The following POPDC3 variants were observed in gnomAD, a reference collection of about 807,000 sequenced individuals.
POPDC3 encodes the protein popeye domain cAMP effector 3.
A neutral mutation model predicts 28.2 loss-of-function variants in POPDC3; 20 were observed. The observed-to-expected ratio is 0.71, with a 90% CI of 0.50 to 1.03. POPDC3 has a LOEUF of 1.03. POPDC3 is among the 50% of genes least tolerant of loss of function. The pLI is 0.00. For synonymous variants in POPDC3, 118 were observed against 124.1 expected (o/e 0.95, Z 0.33); for missense variants, 316 against 345.9 (o/e 0.91, Z 0.69).
intron 1 of POPDC3, among the ~76,000 whole-genome samples, chr6:105,170,347 G>C (rs1774550923): frequency 6.6e-6 from 1 of 152,136 alleles, no homozygotes; most frequent in Non-Finnish European, 1.5e-5. Flanking sequence ...GAATCAATGG[G>C]ACACCTTTGC....
At chr6:105,165,511 GCCTTCTC>G (rs1774437110) in intron 1 of POPDC3, among the ~76,000 whole-genome samples, 1 of 152,188 alleles carries the variant, frequency 6.6e-6, no homozygotes, top group Admixed American at 6.5e-5. Context: ...CAAGCACTCT[GCCTTCTC>G]CCTTCTCACT....
Position 105,158,359 on chromosome 6 carries a change from G to A in POPDC3, c.*111C>T, listed in dbSNP as rs922320572. 3.3e-6 allele frequency: 3 copies of A among 906,598 alleles called. No individual in the cohort carries two copies. In the African/African-American group the frequency reaches 5.0e-5, roughly 15 times the overall value. 56.2% of individuals were successfully genotyped at this position (906,598 alleles called of 1,614,324 possible). A position where few individuals can be genotyped will look rare whatever the true frequency, so the allele number is the denominator to read the frequency against. On this transcript the variant is annotated 3_prime_UTR_variant, in exon 4 of 4. Coordinates refer to ENST00000254765, the MANE Select transcript of POPDC3 (RefSeq NM_022361.5). ...CAGTTGGCAATGGCATCTCGCTTCTGAATTTGATTTATAAAAACATTAGGG... is the reference window on the plus strand; with the variant it reads ...CAGTTGGCAATGGCATCTCGCTTCTAAATTTGATTTATAAAAACATTAGGG...
At chr6:105,166,625 T>C (rs773099941) in intron 1 of POPDC3, 1 of 471,186 alleles carries the variant, frequency 2.1e-6, no homozygotes, top group Non-Finnish European at 4.4e-6. Flanking sequence ...TTCCGTACAC[T>C]CATCAGTCCA....
intron 1 of POPDC3, chr6:105,169,503 T>A (rs540012997): frequency 1.1e-4 from 16 of 152,356 alleles, no homozygotes; most frequent in African/African-American, 3.8e-4. Context: ...ATGGTTGACC[T>A]TCAAATCAGT....
intron 1 of POPDC3, among the ~76,000 whole-genome samples, chr6:105,177,977 A>G (rs1774711086): frequency 6.6e-6 from 1 of 152,164 alleles, no homozygotes. Context: ...TCCTTGTAAG[A>G]CTTTTTCTTA....
chr6:105,162,132 G>T lies in POPDC3; in HGVS notation c.-223C>A. The T allele has an allele frequency of 1.6e-6, 2 of 1,277,612 alleles. No individual in the cohort carries two copies. The highest frequency in any genetic ancestry group is 2.0e-6 in the Non-Finnish European group (2 of 1,016,234). 79.1% of individuals were successfully genotyped at this position (1,277,612 alleles called of 1,614,324 possible). ...TAAGTTCATCTGGGCTCCTGATTTG[G>T]ATCCAGTCTGCAAATATTTTGGTAT... is the stretch of plus-strand genomic sequence containing the variant. On this transcript the variant is annotated 5_prime_UTR_variant, in exon 2 of 4. Transcript: ENST00000254765.
At chr6:105,163,935 C>T (rs1296890854) in intron 1 of POPDC3, among the ~76,000 whole-genome samples, 2 of 152,116 alleles carry the variant, frequency 1.3e-5, no homozygotes, top group African/African-American at 4.8e-5. Flanking sequence ...GAAGACAGGC[C>T]AGCATCCTGA....
intron 1 of POPDC3, among the ~76,000 whole-genome samples, chr6:105,170,849 C>T (rs776213533): frequency 6.6e-6 from 1 of 152,112 alleles, no homozygotes; most frequent in African/African-American, 2.4e-5. Context: ...ATCTATCTAT[C>T]TTAAATGGTT....
chr6:105,163,799 AAGCTT>A (rs1774401309), intron 1 of POPDC3: 2 of 152,300 alleles, frequency 1.3e-5, no homozygotes, highest in Admixed American at 1.3e-4. Flanking sequence ...AAGAAAAAAA[AAGCTT>A]AGACTTACAA....
At chr6:105,179,493 A>G (rs933146847) in intron 1 of POPDC3, among the ~76,000 whole-genome samples, 14 of 152,250 alleles carry the variant, frequency 9.2e-5, no homozygotes, top group African/African-American at 3.1e-4. Context: ...GCAGGAAAAG[A>G]TCTGGGAGGA....
intron 3 of POPDC3, 26 bp downstream of exon 3, chr6:105,159,685 T>A (rs943063661): frequency 7.9e-7 from 1 of 1,266,008 alleles, no homozygotes; most frequent in South Asian, 1.2e-5. Flanking sequence ...GAGGGAGTGC[T>A]AACTGTGTGT....
chr6:105,161,425 C>T lies in POPDC3; in HGVS notation c.485G>A (p.Arg162Lys), dbSNP rs1774324775. Residue 162 changes from arginine to lysine, a missense_variant and splice_region_variant, in exon 2 of 4, where the codon AGG becomes AAG. Physicochemically the swap from Arg to Lys is conservative, Grantham distance 26. Coordinates refer to ENST00000254765, the MANE Select transcript of POPDC3 (RefSeq NM_022361.5). ...ACATGCAAGCACCAAAGGTACAAAC[C>T]TTCCTGAAACAAGCAAGGAGAGTTT... ...IDKLSLLVSG[R>K]IRVTVDGEFL... The T allele has an allele frequency of 5.6e-6, 9 of 1,610,994 alleles. No homozygotes were observed. The highest frequency in any genetic ancestry group is 1.6e-4 in the Middle Eastern group (1 of 6,074).
chr6:105,178,900 T>C (rs2114552689), intron 1 of POPDC3: 7 of 985,410 alleles, frequency 7.1e-6, no homozygotes, highest in Non-Finnish European at 8.4e-6. Context: ...TAAAACTCAA[T>C]TGCAGTTTGT....
chr6:105,165,020 G>A (rs1255429682), intron 1 of POPDC3, among the ~76,000 whole-genome samples: 1 of 152,310 alleles, frequency 6.6e-6, no homozygotes, highest in East Asian at 1.9e-4. Context: ...ATTGCCACGA[G>A]GGAGGCAGAA....
At chr6:105,176,782 C>A (rs1774689767) in intron 1 of POPDC3, among the ~76,000 whole-genome samples, 1 of 152,166 alleles carries the variant, frequency 6.6e-6, no homozygotes, top group Admixed American at 6.5e-5. Context: ...TGGTCTCAAA[C>A]TCCTGACCTC....
At chr6:105,159,304 A>G (rs752817452) in intron 3 of POPDC3, among the ~76,000 whole-genome samples, 4 of 152,238 alleles carry the variant, frequency 2.6e-5, no homozygotes, top group Non-Finnish European at 5.9e-5. Flanking sequence ...TGTTGCTGTA[A>G]AACAACTGAA....
intron 3 of POPDC3, 78 bp from the exon 4 acceptor site, chr6:105,158,829 A>C: frequency 7.8e-7 from 1 of 1,284,754 alleles, no homozygotes. Flanking sequence ...CCCAATTGTT[A>C]AATTAATTTC....
Position 105,159,741 on chromosome 6 carries a change from TGAATCCCACTCAGGA to T in POPDC3, c.549_563del (p.Pro184_Ser188del). 6.2e-7 allele frequency: 1 copy of T among 1,613,456 alleles called. No homozygotes were observed. Among genetic ancestry groups the T allele is most frequent in the Non-Finnish European group, 8.5e-7 (1 of 1,179,492 alleles). On this transcript the variant is annotated inframe_deletion, in exon 3 of 4. Coordinates refer to ENST00000254765, the MANE Select transcript of POPDC3 (RefSeq NM_022361.5). ...AAATGCCTTCCTCTGTGGGTCTCAG[TGAATCCCACTCAGGA>T]GAATCCAGGAACTGAAGGGGGAAAA... is the stretch of plus-strand genomic sequence containing the variant.
intron 1 of POPDC3, among the ~76,000 whole-genome samples, chr6:105,173,507 T>C (rs1440955925): frequency 6.6e-6 from 1 of 152,202 alleles, no homozygotes; most frequent in Non-Finnish European, 1.5e-5. Flanking sequence ...AGAACCTGTG[T>C]GAACTACTAC....
Sources: gnomAD v4.1 joint callset for allele counts (sites outside exome capture counted in the v4.1 genomes callset) on GRCh38, gnomAD v4.1.1 for gene constraint, MANE v1.5 for transcripts, NCBI Gene and HGNC (gene_info 2026-07-23, HGNC 2026-07-21) for gene names.